The following HNRNPAB variants were observed in gnomAD, a reference collection of about 807,000 sequenced individuals.
HNRNPAB encodes ABBP-1.
HNRNPAB carries 17 observed loss-of-function variants against 44.1 expected under a neutral mutation model. The observed-to-expected ratio is 0.39, with a 90% CI of 0.26 to 0.58. The LOEUF (loss-of-function observed/expected upper bound fraction) is 0.58. HNRNPAB is among the 20% of genes least tolerant of loss of function. The pLI, the probability that HNRNPAB is intolerant of heterozygous loss-of-function variation, is 0.63. For missense variants in HNRNPAB, 393 were observed against 432.7 expected (o/e 0.91, Z 0.81); for synonymous variants, 183 against 167.6 (o/e 1.09, Z -0.71).
At chr5:178,210,487 T>TATC in intron 7 of HNRNPAB, 66 bp from the exon 8 acceptor site, 1 of 1,534,932 alleles carries the variant, frequency 6.5e-7, no homozygotes, top group East Asian at 2.3e-5. Context: ...GGAAGATGCA[T>TATC]ATCAAGCGCG....
chr5:178,208,167 T>C (rs904947268), intron 5 of HNRNPAB, among the ~76,000 whole-genome samples: 1 of 152,070 alleles, frequency 6.6e-6, no homozygotes, highest in Non-Finnish European at 1.5e-5. Flanking sequence ...AAGTTGGCAG[T>C]TGGGAGTTGA....
Position 178,210,311 on chromosome 5 carries a change from C to T in HNRNPAB, c.928+39C>T, listed in dbSNP as rs565339668. 7.4e-5 allele frequency: 119 copies of T among 1,613,452 alleles called. No individual in the cohort carries two copies. The South Asian group carries it at 7.9e-4, about 11-fold the overall frequency. On this transcript the variant is annotated intron_variant, in intron 7 of 7. Coordinates refer to ENST00000358344, the MANE Select transcript of HNRNPAB (RefSeq NM_031266.3). Reference sequence around the variant, plus strand: ...AGGGAGGCCCCATCCGCTCACCCCTCGTCCCCAGGGGAGGCAGGACAGTGT... The same window carrying T: ...AGGGAGGCCCCATCCGCTCACCCCTTGTCCCCAGGGGAGGCAGGACAGTGT...
In HNRNPAB at chr5:178,209,540, A is replaced by G. The variant is rs149420681; in HGVS notation, c.787+93A>G. The G allele has an allele frequency of 3.1e-3, 3,203 of 1,023,716 alleles. 77 individuals carry two copies. In the African/African-American group the frequency reaches 0.046, roughly 15 times the overall value. The allele number at this position is 1,023,716 out of a possible 1,614,324, so 63.4% of individuals were successfully genotyped here. On this transcript the variant is annotated intron_variant, in intron 6 of 7. Transcript: ENST00000358344. The stretch of plus-strand genomic sequence containing the variant: ...GGGGCTCCCTCTGGTGCTGTGCAGC[A>G]GGGGTGGGCAGATTGTGTGAGGTTG...
intron 5 of HNRNPAB, among the ~76,000 whole-genome samples, chr5:178,208,066 A>T (rs186001168): frequency 1.3e-5 from 2 of 152,308 alleles, no homozygotes; most frequent in African/African-American, 4.8e-5. Context: ...ATCCAGGGTC[A>T]GTTGTGCTTT....
rs765659082 is a variant in HNRNPAB, at chr5:178,210,223, C to T, written c.879C>T (p.Tyr293=). 8.7e-6 allele frequency: 14 copies of T among 1,612,808 alleles called. No homozygotes were observed. The highest frequency in any genetic ancestry group is 5.5e-5 in the South Asian group (5 of 91,066). ...GCTACGGGCCTGGCTATGGCGGCTA[C>T]GACTACTCGCCCTATGGCTATTACG... ...QQGYGPGYGG[Y]DYSPYGYYGY... Residue 293 remains tyrosine (Y), a synonymous_variant, in exon 7 of 8, where the codon TAC becomes TAT. Coordinates refer to ENST00000358344, the MANE Select transcript of HNRNPAB (RefSeq NM_031266.3).
At chr5:178,207,585 T>G (rs1414044271) in intron 5 of HNRNPAB, among the ~76,000 whole-genome samples, 1 of 152,042 alleles carries the variant, frequency 6.6e-6, no homozygotes, top group Non-Finnish European at 1.5e-5. Context: ...ATCCTAGAAC[T>G]TCTGCAACTC....
chr5:178,205,878 C>T lies in HNRNPAB; in HGVS notation c.246C>T (p.Ser82=). The T allele has an allele frequency of 6.2e-7, 1 of 1,613,796 alleles. No individual in the cohort carries two copies. The highest frequency in any genetic ancestry group is 1.1e-5 in the South Asian group (1 of 91,070). Residue 82 remains serine, a synonymous_variant, in exon 3 of 8, where the codon AGC becomes AGT. Coordinates refer to ENST00000358344, the MANE Select transcript of HNRNPAB (RefSeq NM_031266.3). ...TTGGTGGCCTGAGCTGGGATACTAG[C>T]AAAAAAGATTTAAAAGACTATTTTA... The part of the protein sequence containing the change: ...MFVGGLSWDT[S]KKDLKDYFTK...
At chr5:178,209,532 T>C (rs1757524547) in intron 6 of HNRNPAB, 85 bp downstream of exon 6, 2 of 1,176,740 alleles carry the variant, frequency 1.7e-6, no homozygotes, top group East Asian at 2.4e-5. Context: ...CCTCTGGTGC[T>C]GTGCAGCAGG....
At position 178,206,866 on chromosome 5, in the gene HNRNPAB, G is replaced by A; in HGVS notation, c.513G>A (p.Arg171=). The part of the protein sequence containing the change: ...LNPEATEEKI[R]EYFGEFGEIE... ...CTGAAGCCACTGAGGAAAAGATCAG[G>A]GAGTACTTTGGCGAGTTTGGGGAGG... Residue 171 remains arginine (R), a synonymous_variant, in exon 4 of 8, where the codon AGG becomes AGA. Transcript: ENST00000358344. 1 of 1,614,174 alleles carries A rather than the reference G, an allele frequency of 6.2e-7. No homozygotes were observed. Among genetic ancestry groups the A allele is most frequent in the Non-Finnish European group, 8.5e-7 (1 of 1,180,034 alleles).
chr5:178,206,900 G>C lies in HNRNPAB; in HGVS notation c.537+10G>C, dbSNP rs774934033. 1.7e-5 allele frequency: 27 copies of C among 1,613,846 alleles called. No individual in the cohort carries two copies. The highest frequency in any genetic ancestry group is 2.1e-5 in the Non-Finnish European group (25 of 1,179,902). On this transcript the variant is annotated intron_variant, in intron 4 of 7. Coordinates refer to ENST00000358344, the MANE Select transcript of HNRNPAB (RefSeq NM_031266.3). The stretch of plus-strand genomic sequence containing the variant: ...TGGCGAGTTTGGGGAGGTGAGTGTG[G>C]CTCTGGGAATAGCCCATCAGCTGCC...
At chr5:178,206,047 A>C (rs766805722) in intron 3 of HNRNPAB, 37 bp downstream of exon 3, 15 of 1,573,740 alleles carry the variant, frequency 9.5e-6, no homozygotes, top group Admixed American at 3.6e-5. Context: ...TCTCAGTGGA[A>C]ACGATTTGAA....
At position 178,204,720 on chromosome 5, in the gene HNRNPAB, C is replaced by CG; in HGVS notation, c.-43dup. 1.9e-6 allele frequency: 1 copy of CG among 531,104 alleles called. No homozygotes were observed. 32.9% of individuals were successfully genotyped at this position (531,104 alleles called of 1,614,324 possible). ...CCTGCGGGTGGGGACGAGCGGGCCC[C>CG]GCGGCGTCATCGGCGGCGAGGTGAG... On this transcript the variant is annotated 5_prime_UTR_variant, in exon 1 of 8. Coordinates refer to ENST00000358344, the MANE Select transcript of HNRNPAB (RefSeq NM_031266.3).
Position 178,206,026 on chromosome 5 carries a change from G to C in HNRNPAB, c.378+16G>C. 1 of 1,604,670 alleles carries C rather than the reference G, an allele frequency of 6.2e-7. No homozygotes were observed. Among genetic ancestry groups the C allele is most frequent in the African/African-American group, 1.3e-5 (1 of 74,538 alleles). ...TGTGGAGAAGGTAAGCTGGGTACTGGATTTCAGCAGTCTCAGTGGAAACGA... is the reference window on the plus strand; with the variant it reads ...TGTGGAGAAGGTAAGCTGGGTACTGCATTTCAGCAGTCTCAGTGGAAACGA... On this transcript the variant is annotated intron_variant, in intron 3 of 7. Coordinates refer to ENST00000358344, the MANE Select transcript of HNRNPAB (RefSeq NM_031266.3).
chr5:178,207,022 T>C, intron 4 of HNRNPAB, 72 bp from the exon 5 acceptor site: 1 of 1,594,414 alleles, frequency 6.3e-7, no homozygotes, highest in Non-Finnish European at 8.6e-7. Flanking sequence ...ATGGGGTCTT[T>C]TCTCCTGTGA....
rs1052433094 is a variant in HNRNPAB at position 178,206,858 on chromosome 5, A to G, written c.505A>G (p.Lys169Glu). ...TCTGAATCCTGAAGCCACTGAGGAA[A>G]AGATCAGGGAGTACTTTGGCGAGTT... ...GGLNPEATEEKIREYFGEFGE... is the reference protein window; with the variant it reads ...GGLNPEATEEEIREYFGEFGE... Residue 169 changes from lysine to glutamate, a missense_variant, in exon 4 of 8, where the codon AAG becomes GAG. Physicochemically the swap from Lys to Glu is moderately conservative, Grantham distance 56. Around this residue, in one of 3 missense-constraint regions of HNRNPAB, gnomAD observed 102 missense variants for 162.3 expected, o/e 0.63. Transcript: ENST00000358344. 4 of 1,614,048 alleles carry G rather than the reference A, an allele frequency of 2.5e-6. No homozygotes were observed. The African/African-American group carries it at 5.3e-5, about 22-fold the overall frequency.
Position 178,210,645 on chromosome 5 carries a change from C to G in HNRNPAB, c.*22C>G, listed in dbSNP as rs750218559. 3 of 1,583,972 alleles carry G rather than the reference C, an allele frequency of 1.9e-6. No homozygotes were observed. The highest frequency in any genetic ancestry group is 2.6e-6 in the Non-Finnish European group (3 of 1,152,714). On this transcript the variant is annotated 3_prime_UTR_variant, in exon 8 of 8. Coordinates refer to ENST00000358344, the MANE Select transcript of HNRNPAB (RefSeq NM_031266.3). ...CTGAGGCGGCAGCAGGAGCGACCAA[C>G]TGATCGCACACATGCTTTGTTTGGA...
At position 178,209,363 on chromosome 5, in the gene HNRNPAB, T is replaced by TATC; in HGVS notation, c.705_707dup (p.Tyr235_Gln236insHis). On this transcript the variant is annotated inframe_insertion, in exon 6 of 8. Transcript: ENST00000358344. ...CAAGGTGGCCCAGCCCAAAGAAGTC[T>TATC]ATCAGCAGCAGCAGTATGGCTCTGG... The TATC allele has an allele frequency of 6.2e-7, 1 of 1,614,074 alleles. No individual in the cohort carries two copies. Among genetic ancestry groups the TATC allele is most frequent in the Non-Finnish European group, 8.5e-7 (1 of 1,179,988 alleles).
chr5:178,208,161 TG>T (rs1757179088), intron 5 of HNRNPAB, among the ~76,000 whole-genome samples: 1 of 152,138 alleles, frequency 6.6e-6, no homozygotes. Context: ...GGCTTCAAGT[TG>T]GCAGTTGGGA....
chr5:178,208,905 A>C (rs1757297869), intron 5 of HNRNPAB: 1 of 157,860 alleles, frequency 6.3e-6, no homozygotes, highest in African/African-American at 2.4e-5. Context: ...TTTGGATGAG[A>C]TGAGTTTCTT....
Sources: allele counts gnomAD v4.1 joint callset (sites outside exome capture counted in the v4.1 genomes callset), GRCh38; gene constraint gnomAD v4.1.1; regional missense constraint gnomAD v4.1.1; transcripts MANE v1.5; gene names NCBI Gene and HGNC (gene_info 2026-07-23, HGNC 2026-07-21).